ADAMTS12: variants seen among roughly 807,000 people sequenced by gnomAD.
ADAMTS12 encodes the protein ADAM metallopeptidase with thrombospondin type 1 motif 12, also known as A disintegrin and metalloproteinase with thrombospondin motifs 12.
ADAMTS12 carries 118 observed loss-of-function variants against 167.8 expected under a neutral mutation model. The observed-to-expected ratio is 0.70, with a 90% CI of 0.61 to 0.82. The LOEUF (loss-of-function observed/expected upper bound fraction) is 0.82, where lower values mean the gene tolerates loss of function less well. Among genes scored for constraint, ADAMTS12 ranks in the 40% least tolerant of loss-of-function variants. The pLI, the probability that ADAMTS12 is intolerant of heterozygous loss-of-function variation, is 0.00. For synonymous variants in ADAMTS12, 704 were observed against 716.9 expected, an observed-to-expected ratio of 0.98 and a Z score of 0.29; for missense variants, 1,916 against 1,998.8, an observed-to-expected ratio of 0.96 and a Z score of 0.79.
At chr5:33,669,942 A>C (rs1347847676) in intron 5 of ADAMTS12, among the ~76,000 whole-genome samples, 1 of 152,104 alleles carries the variant, frequency 6.6e-6, no homozygotes, top group Non-Finnish European at 1.5e-5. Context: ...GAACCTAGGG[A>C]TAGGCAAAGA....
At chr5:33,762,774 T>C (rs761571762) in intron 2 of ADAMTS12, among the ~76,000 whole-genome samples, 20 of 152,214 alleles carry the variant, frequency 1.3e-4, no homozygotes, top group Non-Finnish European at 1.6e-4. Flanking sequence ...AAACTATTCA[T>C]TGTTCTCTGG....
chr5:33,661,101 G>A (rs188643680), intron 6 of ADAMTS12, among the ~76,000 whole-genome samples: 41 of 152,274 alleles, frequency 2.7e-4, no homozygotes, highest in African/African-American at 9.4e-4. Flanking sequence ...GGGCCAAGAG[G>A]CCTCCTTTAC....
chr5:33,652,162 C>T (rs990065409), intron 7 of ADAMTS12, among the ~76,000 whole-genome samples: 4 of 152,104 alleles, frequency 2.6e-5, no homozygotes, highest in Non-Finnish European at 4.4e-5. Context: ...ATTGCTGGGT[C>T]GAATGATAGC....
At chr5:33,634,107 T>C (rs1449322043) in intron 12 of ADAMTS12, among the ~76,000 whole-genome samples, 1 of 152,170 alleles carries the variant, frequency 6.6e-6, no homozygotes, top group Non-Finnish European at 1.5e-5. Flanking sequence ...TCTTAATAAA[T>C]GACAGAAATG....
At chr5:33,879,228 G>A (rs1750339643) in intron 2 of ADAMTS12, among the ~76,000 whole-genome samples, 2 of 151,952 alleles carry the variant, frequency 1.3e-5, no homozygotes, top group Non-Finnish European at 2.9e-5. Context: ...CCATTCCCCC[G>A]AGATTCTGAC....
At chr5:33,833,882 G>GA (rs138629854) in intron 2 of ADAMTS12, among the ~76,000 whole-genome samples, 2,737 of 152,258 alleles carry the variant, frequency 0.018, 86 homozygotes, top group African/African-American at 0.063. Flanking sequence ...ACATGCATAG[G>GA]AAAAAATGGG....
In ADAMTS12 at chr5:33,561,057, A is replaced by G; in HGVS notation, c.4095T>C (p.Cys1365=). 6.2e-7 allele frequency: 1 copy of G among 1,614,120 alleles called. No individual in the cohort carries two copies. The change falls in exon 20 of 24, where the codon TGT becomes TGC. Residue 1365 remains cysteine (C), a synonymous_variant. Transcript: ENST00000504830. The part of the protein sequence containing the change: ...DPAKRCHLRP[C]AGWKVGNWSK... ...TCCAGTTTCCCACTTTCCAGCCAGC[A>G]CAGGGACGGAGGTGGCATCTTTTTG...
chr5:33,656,922 A>C (rs1055302208), intron 7 of ADAMTS12, among the ~76,000 whole-genome samples: 3 of 152,204 alleles, frequency 2.0e-5, no homozygotes, highest in Admixed American at 2.0e-4. Context: ...TAGCTTCTCT[A>C]TCTCTGAATT....
At chr5:33,527,912 GCTCAGCAAAAAATACATGACTGTGCATTA>G (rs1053353218) in intron 23 of ADAMTS12, among the ~76,000 whole-genome samples, 1 of 152,016 alleles carries the variant, frequency 6.6e-6, no homozygotes, top group African/African-American at 2.4e-5. Context: ...ACCTATAGAT[GCTCAGCAAAAAATACATGACTGTGCATTA>G]TATGAAAAAG....
intron 5 of ADAMTS12, among the ~76,000 whole-genome samples, chr5:33,674,579 A>G (rs1489866762): frequency 6.6e-6 from 1 of 152,090 alleles, no homozygotes; most frequent in African/African-American, 2.4e-5. Flanking sequence ...GTTTTAAAGG[A>G]TTGGGGCTTC....
At chr5:33,883,599 A>G (rs780790281) in intron 1 of ADAMTS12, among the ~76,000 whole-genome samples, 1 of 152,190 alleles carries the variant, frequency 6.6e-6, no homozygotes, top group African/African-American at 2.4e-5. Context: ...ATGCAGAGCT[A>G]CTTACATTCA....
At chr5:33,725,889 A>C (rs1253461162) in intron 3 of ADAMTS12, among the ~76,000 whole-genome samples, 1 of 152,166 alleles carries the variant, frequency 6.6e-6, no homozygotes. Flanking sequence ...AACACTCAAA[A>C]ATCTGCAACT....
At chr5:33,660,979 TATCACAGGGACAG>T (rs1462816173) in intron 6 of ADAMTS12, among the ~76,000 whole-genome samples, 4 of 152,172 alleles carry the variant, frequency 2.6e-5, no homozygotes, top group Non-Finnish European at 4.4e-5. Flanking sequence ...GAGATGATCT[TATCACAGGGACAG>T]ATCACAGGGC....
chr5:33,597,733 A>G (rs1737971378), intron 16 of ADAMTS12, among the ~76,000 whole-genome samples: 2 of 152,112 alleles, frequency 1.3e-5, no homozygotes, highest in Admixed American at 6.5e-5. Flanking sequence ...TAAACCTTCA[A>G]CCTCTCAGGC....
chr5:33,632,569 C>A (rs530844497), intron 12 of ADAMTS12, among the ~76,000 whole-genome samples: 3 of 152,120 alleles, frequency 2.0e-5, no homozygotes, highest in Non-Finnish European at 4.4e-5. Context: ...TGTCAAGACT[C>A]TGGGACAAAG....
chr5:33,626,986 T>C (rs1739672823), intron 13 of ADAMTS12, among the ~76,000 whole-genome samples: 1 of 148,830 alleles, frequency 6.7e-6, no homozygotes, highest in Non-Finnish European at 1.5e-5. Flanking sequence ...GTAATGATGA[T>C]TTGATGGTAA....
At chr5:33,711,031 C>G (rs534421763) in intron 3 of ADAMTS12, among the ~76,000 whole-genome samples, 9 of 152,266 alleles carry the variant, frequency 5.9e-5, no homozygotes, top group African/African-American at 2.2e-4. Context: ...GTGGTCATTT[C>G]TTCTTCTTCT....
At chr5:33,837,071 T>C (rs553140084) in intron 2 of ADAMTS12, among the ~76,000 whole-genome samples, 1 of 151,862 alleles carries the variant, frequency 6.6e-6, no homozygotes, top group African/African-American at 2.4e-5. Context: ...CAGAGAACAA[T>C]GGGAAAACCC....
chr5:33,721,573 AGTT>A (rs955387785), intron 3 of ADAMTS12, among the ~76,000 whole-genome samples: 24 of 152,268 alleles, frequency 1.6e-4, no homozygotes, highest in African/African-American at 5.5e-4. Flanking sequence ...AAATTATAAA[AGTT>A]GATATTTTAA....
Sources: gnomAD v4.1 joint callset for allele counts (sites outside exome capture counted in the v4.1 genomes callset) on GRCh38, gnomAD v4.1.1 for gene constraint, MANE v1.5 for transcripts, NCBI Gene and HGNC (gene_info 2026-07-23, HGNC 2026-07-21) for gene names.